The following OSBPL7 variants were observed in gnomAD, a reference collection of about 807,000 sequenced individuals.
OSBPL7 encodes the protein oxysterol binding protein like 7, also known as oxysterol-binding protein-related protein 7.
Under a neutral mutation model 115.8 loss-of-function variants are expected in OSBPL7, and 66 were observed. The ratio of observed to expected loss-of-function variants is 0.57; its 90% confidence interval spans 0.47 to 0.70. OSBPL7 has a LOEUF of 0.70. OSBPL7 is among the 30% of genes least tolerant of loss of function. OSBPL7 has a pLI of 0.00. For missense variants in OSBPL7, 902 were observed against 1,125.5 expected (o/e 0.80, Z 2.84); for synonymous variants, 441 against 439.2 (o/e 1.00, Z -0.05).
rs973159040 is a variant in OSBPL7, at chr17:47,807,926, G to A, written c.*365C>T. The A allele has an allele frequency of 2.3e-5, 6 of 263,426 alleles. No homozygotes were observed. Among genetic ancestry groups the A allele is most frequent in the Non-Finnish European group, 3.7e-5 (5 of 133,708 alleles). The allele number at this position is 263,426 out of a possible 1,614,324, so 16.3% of individuals were successfully genotyped here. A position where few individuals can be genotyped will look rare whatever the true frequency, so the allele number is the denominator to read the frequency against. ...CCTGGGCACAGAAAGCCTGGGGAGCGTCAAGGAGTCCCCTGTGTCCTAGGA... is the reference window on the plus strand; with the variant it reads ...CCTGGGCACAGAAAGCCTGGGGAGCATCAAGGAGTCCCCTGTGTCCTAGGA... On this transcript the variant is annotated 3_prime_UTR_variant, in exon 23 of 23. Transcript: ENST00000007414.
At chr17:47,819,576 C>G in intron 4 of OSBPL7, 153 bp downstream of exon 4, 1 of 869,422 alleles carries the variant, frequency 1.2e-6, no homozygotes, top group Non-Finnish European at 1.9e-6. Flanking sequence ...GAAGCTATGG[C>G]CCAGGGATGT....
chr17:47,816,252 C>G lies in OSBPL7; in HGVS notation c.1024-50G>C, dbSNP rs1021049488. 6.6e-7 allele frequency: 1 copy of G among 1,510,930 alleles called. No homozygotes were observed. The highest frequency in any genetic ancestry group is 9.0e-7 in the Non-Finnish European group (1 of 1,115,102). 93.6% of individuals were successfully genotyped at this position (1,510,930 alleles called of 1,614,324 possible). A position where few individuals can be genotyped will look rare whatever the true frequency, so the allele number is the denominator to read the frequency against. On this transcript the variant is annotated intron_variant, in intron 11 of 22. Transcript: ENST00000007414. The surrounding 1 kb of genome is among the most constrained non-coding windows in gnomAD (Gnocchi z 5.8). ...GGTGCCAGGAGGATGAGGTCCTCCC[C>G]ACCTTGCCGCATCTCTGCAGAGACT...
chr17:47,821,355 C>T (rs956617203), intron 1 of OSBPL7, among the ~76,000 whole-genome samples: 1 of 152,192 alleles, frequency 6.6e-6, no homozygotes, highest in African/African-American at 2.4e-5. Context: ...AACGGGTGCC[C>T]AGGAGGTTGG....
At chr17:47,818,452 G>T in intron 6 of OSBPL7, 54 bp downstream of exon 6, 1 of 1,589,468 alleles carries the variant, frequency 6.3e-7, no homozygotes, top group East Asian at 2.2e-5. Flanking sequence ...GTTCTCCATA[G>T]CCCTTGCCCC....
chr17:47,808,511 C>G lies in OSBPL7; in HGVS notation c.2420+27G>C. ...CTCCAAGCAGGGCTCATGGGGAGACCCAGGGCGGAGGGCGAGGCCGAGGCA... is the reference window on the plus strand; with the variant it reads ...CTCCAAGCAGGGCTCATGGGGAGACGCAGGGCGGAGGGCGAGGCCGAGGCA... On this transcript the variant is annotated intron_variant, in intron 22 of 22. Coordinates refer to ENST00000007414, the MANE Select transcript of OSBPL7 (RefSeq NM_145798.3). This position sits in a 1 kb window ranked among gnomAD's most constrained non-coding sequence, Gnocchi z 6.1. 1 of 1,614,062 alleles carries G rather than the reference C, an allele frequency of 6.2e-7. No individual in the cohort carries two copies. Among genetic ancestry groups the G allele is most frequent in the Non-Finnish European group, 8.5e-7 (1 of 1,179,950 alleles).
chr17:47,814,302 G>A (rs1193005010), intron 14 of OSBPL7, among the ~76,000 whole-genome samples: 1 of 152,192 alleles, frequency 6.6e-6, no homozygotes. Flanking sequence ...TGCAACAGAG[G>A]CCAGCCCCAA....
chr17:47,814,358 C>T (rs901192228), intron 14 of OSBPL7, among the ~76,000 whole-genome samples, 163 bp downstream of exon 14: 2 of 152,238 alleles, frequency 1.3e-5, no homozygotes, highest in Admixed American at 6.5e-5. Flanking sequence ...TGGAACATTT[C>T]CCAGTTCATG....
chr17:47,819,517 C>A (rs370269049), intron 4 of OSBPL7: 3 of 630,682 alleles, frequency 4.8e-6, no homozygotes, highest in African/African-American at 1.8e-5. Context: ...ACCTCCCTTA[C>A]CATGACAGCT....
chr17:47,818,237 C>A (rs772426130), intron 7 of OSBPL7, 32 bp downstream of exon 7: 4 of 1,585,422 alleles, frequency 2.5e-6, no homozygotes, highest in Non-Finnish European at 3.4e-6. Flanking sequence ...TTGGGGCCTA[C>A]CCTTGGAGGT....
rs573941399 is a variant in OSBPL7 at position 47,819,402 on chromosome 17, T to G, written c.256-303A>C. 31 of 561,966 alleles carry G rather than the reference T, an allele frequency of 5.5e-5. No homozygotes were observed. In the East Asian group the frequency reaches 9.1e-4, roughly 16 times the overall value. 34.8% of individuals were successfully genotyped at this position (561,966 alleles called of 1,614,324 possible). ...CAGAGAGATCCTGGGTACCCAGGCC[T>G]TCAGTTCCTTGTTCCCAGCCTGAGA... On this transcript the variant is annotated intron_variant, in intron 4 of 22. Coordinates refer to ENST00000007414, the MANE Select transcript of OSBPL7 (RefSeq NM_145798.3).
chr17:47,814,387 C>T, intron 14 of OSBPL7, 134 bp downstream of exon 14: 1 of 789,250 alleles, frequency 1.3e-6, no homozygotes, highest in South Asian at 1.7e-5. Context: ...TTCCTTAGCT[C>T]CTGGGGTCAG....
intron 1 of OSBPL7, among the ~76,000 whole-genome samples, chr17:47,821,083 C>T (rs1217762378): frequency 6.6e-6 from 1 of 152,164 alleles, no homozygotes; most frequent in Non-Finnish European, 1.5e-5. Flanking sequence ...AAAGGAGATA[C>T]TTCATGAGAG....
chr17:47,813,776 G>T lies in OSBPL7; in HGVS notation c.1410C>A (p.Ala470=), dbSNP rs559897456. The T allele has an allele frequency of 6.2e-7, 1 of 1,613,014 alleles. No homozygotes were observed. Among genetic ancestry groups the T allele is most frequent in the Non-Finnish European group, 8.5e-7 (1 of 1,179,882 alleles). The change falls in exon 15 of 23, where the codon GCC becomes GCA. Residue 470 remains alanine, a synonymous_variant. Coordinates refer to ENST00000007414, the MANE Select transcript of OSBPL7 (RefSeq NM_145798.3). ...GGCTCACGTCAGCCCCAGGCCCGCT[G>T]GCCGCCGGCAGGCAGCGACGGCGGG... ...GPPRRRCLPA[A]SGPGADVSLW...
Position 47,820,314 on chromosome 17 carries a change from G to A in OSBPL7, c.-36C>T, listed in dbSNP as rs368578907. 6.3e-7 allele frequency: 1 copy of A among 1,594,040 alleles called. No individual in the cohort carries two copies. Among genetic ancestry groups the A allele is most frequent in the Non-Finnish European group, 8.6e-7 (1 of 1,167,144 alleles). Reference sequence around the variant, plus strand: ...GAGGCCACTCCCTGCTGGGGATGTAGAGCAGGGAGCAGGGTGGAAGGGGAA... The same window carrying A: ...GAGGCCACTCCCTGCTGGGGATGTAAAGCAGGGAGCAGGGTGGAAGGGGAA... On this transcript the variant is annotated 5_prime_UTR_variant, in exon 2 of 23. Transcript: ENST00000007414.
At chr17:47,817,399 T>C in intron 7 of OSBPL7, 40 bp from the exon 8 acceptor site, 1 of 1,474,536 alleles carries the variant, frequency 6.8e-7, no homozygotes, top group African/African-American at 1.4e-5. Context: ...ACCATTCATT[T>C]TTTTTTTGAG....
chr17:47,816,987 C>T lies in OSBPL7; in HGVS notation c.703-115G>A. On this transcript the variant is annotated intron_variant, in intron 8 of 22. Transcript: ENST00000007414. The surrounding 1 kb of genome is among the most constrained non-coding windows in gnomAD (Gnocchi z 5.8). ...GCGCCATGGAGGAGGGCGCAGATTA[C>T]CCAGCACAGAGGATGCGGCCGCTCA... 2.9e-6 allele frequency: 3 copies of T among 1,043,908 alleles called. No individual in the cohort carries two copies. Among genetic ancestry groups the T allele is most frequent in the Non-Finnish European group, 4.4e-6 (3 of 675,610 alleles). The allele number at this position is 1,043,908 out of a possible 1,614,324, so 64.7% of individuals were successfully genotyped here.
At chr17:47,809,806 G>T (rs771088874) in intron 18 of OSBPL7, among the ~76,000 whole-genome samples, 1 of 152,036 alleles carries the variant, frequency 6.6e-6, no homozygotes, top group East Asian at 1.9e-4. Flanking sequence ...CCTCTCTTGG[G>T]TATTACTTCT....
intron 12 of OSBPL7, chr17:47,815,727 G>A (rs1307432706): frequency 1.3e-5 from 4 of 309,426 alleles, no homozygotes; most frequent in East Asian, 1.4e-4. Flanking sequence ...TCACAAAGCC[G>A]GCAGGCAGGA....
In OSBPL7 at chr17:47,811,875, A is replaced by G. The variant is rs149195708; in HGVS notation, c.1738-1040T>C. ...TAGTAAATCTTTCTCTTCTAGACAC[A>G]CACTTCGTTGTTCACATATGCGTAA... On this transcript the variant is annotated intron_variant, in intron 16 of 22. Coordinates refer to ENST00000007414, the MANE Select transcript of OSBPL7 (RefSeq NM_145798.3). Among the ~76,000 whole-genome samples, 12 of 152,340 alleles carry G rather than the reference A, an allele frequency of 7.9e-5. No homozygotes were observed. In the East Asian group the frequency reaches 2.3e-3, roughly 29 times the overall value.
Sources: gnomAD v4.1 joint callset for allele counts (sites outside exome capture counted in the v4.1 genomes callset) on GRCh38, gnomAD v4.1.1 for gene constraint, Gnocchi (gnomAD v3.1) non-coding constraint, MANE v1.5 for transcripts, NCBI Gene and HGNC (gene_info 2026-07-23, HGNC 2026-07-21) for gene names.